The following RMST variants were observed in gnomAD, a reference collection of about 807,000 sequenced individuals.
RMST encodes the protein long intergenic non-protein coding RNA 54.
chr12:97,542,863 T>C (rs1882653523), intron 11 of RMST, among the ~76,000 whole-genome samples: 1 of 151,938 alleles, frequency 6.6e-6, no homozygotes, highest in Non-Finnish European at 1.5e-5. Flanking sequence ...CAGTGGAATG[T>C]CTTTTATGTT....
intron 11 of RMST, among the ~76,000 whole-genome samples, chr12:97,533,954 G>T (rs1374366084): frequency 6.6e-6 from 1 of 151,774 alleles, no homozygotes; most frequent in Non-Finnish European, 1.5e-5. Context: ...TGTGAAGAAA[G>T]TCAAAGATGA....
At chr12:97,540,432 A>G (rs897505198) in intron 11 of RMST, among the ~76,000 whole-genome samples, 2 of 151,930 alleles carry the variant, frequency 1.3e-5, no homozygotes, top group African/African-American at 2.4e-5. Context: ...AAGGAACTCT[A>G]TAACATTTCA....
At chr12:97,502,655 A>G in intron 10 of RMST, among the ~76,000 whole-genome samples, 1 of 151,998 alleles carries the variant, frequency 6.6e-6, no homozygotes, top group East Asian at 1.9e-4. Flanking sequence ...AATAGAGATG[A>G]GGTCTCACTA....
chr12:97,559,967 T>G (rs1258450409), intron 11 of RMST, among the ~76,000 whole-genome samples: 2 of 152,210 alleles, frequency 1.3e-5, no homozygotes, highest in Non-Finnish European at 2.9e-5. Context: ...TAAATCCTTT[T>G]TATCTTAACT....
intron 10 of RMST, among the ~76,000 whole-genome samples, chr12:97,519,836 T>C (rs1880328875): frequency 6.6e-6 from 1 of 152,172 alleles, no homozygotes; most frequent in Non-Finnish European, 1.5e-5. Context: ...AATGTGTTCA[T>C]AAAAATTGAA....
rs200191849 is a variant in RMST at position 97,516,773 on chromosome 12, G to GA, written n.1341-13874dup. Among the ~76,000 whole-genome samples the GA allele has an allele frequency of 2.4e-3, 360 of 151,566 alleles. 1 individual carries two copies. Among genetic ancestry groups the GA allele is most frequent in the African/African-American group, 7.2e-3 (300 of 41,424 alleles). ...TTTAGAAATTGCTATATAGGCTATA[G>GA]AAAAAAAATCCATCTTTATATTACA... is the stretch of plus-strand genomic sequence containing the variant. On this transcript the variant is annotated intron_variant and non_coding_transcript_variant, in intron 10 of 13. Transcript: ENST00000640149.
At chr12:97,500,634 C>T (rs552528052) in intron 10 of RMST, among the ~76,000 whole-genome samples, 2 of 152,274 alleles carry the variant, frequency 1.3e-5, no homozygotes, top group East Asian at 3.9e-4. Flanking sequence ...CCAATATTAA[C>T]TGGATTTTCC....
At chr12:97,545,960 A>C (rs1475110554) in intron 11 of RMST, among the ~76,000 whole-genome samples, 1 of 152,154 alleles carries the variant, frequency 6.6e-6, no homozygotes, top group Admixed American at 6.6e-5. Flanking sequence ...CAAGTGACAT[A>C]AACACTTCAG....
intron 11 of RMST, among the ~76,000 whole-genome samples, chr12:97,553,631 C>T (rs1883468089): frequency 6.6e-6 from 1 of 152,140 alleles, no homozygotes. Context: ...TTCAGAAATG[C>T]TGTGTGATCT....
At chr12:97,465,715 C>T (rs1873104803) in exon 5 of RMST, 1 of 152,086 alleles carries the variant, frequency 6.6e-6, no homozygotes, top group African/African-American at 2.4e-5. Flanking sequence ...TGACATCCTC[C>T]TCGAATCAAA....
At chr12:97,516,842 A>G (rs1352676669) in intron 10 of RMST, among the ~76,000 whole-genome samples, 1 of 152,042 alleles carries the variant, frequency 6.6e-6, no homozygotes, top group Non-Finnish European at 1.5e-5. Context: ...ATCATTTTGA[A>G]AATGAATTGC....
At chr12:97,504,781 G>T (rs1193765201) in intron 10 of RMST, among the ~76,000 whole-genome samples, 1 of 152,098 alleles carries the variant, frequency 6.6e-6, no homozygotes, top group African/African-American at 2.4e-5. Context: ...AATGCATATG[G>T]TTTCAGACTT....
intron 5 of RMST, among the ~76,000 whole-genome samples, chr12:97,487,237 A>T (rs971108833): frequency 4.4e-4 from 67 of 152,146 alleles, no homozygotes; most frequent in African/African-American, 1.5e-3. Context: ...CCTGGGTTGG[A>T]TTTGTGTGTG....
chr12:97,531,728 A>G (rs1000923112), intron 11 of RMST, among the ~76,000 whole-genome samples: 1 of 151,948 alleles, frequency 6.6e-6, no homozygotes, highest in Non-Finnish European at 1.5e-5. Flanking sequence ...TCGGGGACGT[A>G]TATTAAGGTT....
At chr12:97,495,340 A>G (rs10777874) in intron 9 of RMST, among the ~76,000 whole-genome samples, 72,710 of 151,806 alleles carry the variant, frequency 0.48, 18,002 homozygotes, top group Middle Eastern at 0.61. Flanking sequence ...ATAAGTGGCG[A>G]TTGTGTCTAC....
intron 5 of RMST, among the ~76,000 whole-genome samples, chr12:97,468,146 A>G (rs1051531739): frequency 6.6e-6 from 1 of 152,006 alleles, no homozygotes; most frequent in Non-Finnish European, 1.5e-5. Context: ...TTTGTATTTA[A>G]TCATCTTTGT....
chr12:97,501,775 T>C lies in RMST; in HGVS notation n.1340+5719T>C, dbSNP rs1464149811. Among the ~76,000 whole-genome samples the C allele has an allele frequency of 3.9e-5, 6 of 152,334 alleles. No homozygotes were observed. In the East Asian group the frequency reaches 9.6e-4, roughly 24 times the overall value. ...GAGAACAGGGACTATAGCAGGTACC[T>C]GTCTCCACCTGTCGAGAAATATCCA... On this transcript the variant is annotated intron_variant and non_coding_transcript_variant, in intron 10 of 13. Coordinates refer to ENST00000640149, the Ensembl canonical transcript of RMST.
chr12:97,476,600 A>C (rs1477773066), intron 5 of RMST, among the ~76,000 whole-genome samples: 1 of 152,202 alleles, frequency 6.6e-6, no homozygotes, highest in East Asian at 1.9e-4. Context: ...TGGGGAGCTG[A>C]TAGAGCCGAG....
exon 3 of RMST, chr12:97,462,857 T>A (rs1872725465): frequency 1.3e-5 from 2 of 152,306 alleles, no homozygotes; most frequent in South Asian, 2.1e-4. Context: ...GGTCTGCCGC[T>A]GTCTGCACTT....
Sources: gnomAD v4.1 joint callset for allele counts (sites outside exome capture counted in the v4.1 genomes callset) on GRCh38, gnomAD v4.1.1 for gene constraint, MANE v1.5 for transcripts, NCBI Gene and HGNC (gene_info 2026-07-23, HGNC 2026-07-21) for gene names.